TRIM37: variants seen among roughly 807,000 people sequenced by gnomAD.
The protein encoded by TRIM37 is E3 ubiquitin-protein ligase TRIM37.
A neutral mutation model predicts 129.8 loss-of-function variants in TRIM37; 80 were observed. That is an observed-to-expected ratio of 0.62 (90% CI 0.51 to 0.74). The LOEUF is 0.74. Among genes scored for constraint, TRIM37 ranks in the 30% least tolerant of loss-of-function variants. TRIM37 has a pLI of 0.00. For synonymous variants in TRIM37, 389 were observed against 387.1 expected, an observed-to-expected ratio of 1.00 and a Z score of -0.06; for missense variants, 1,054 against 1,176.5, an observed-to-expected ratio of 0.90 and a Z score of 1.52.
chr17:59,069,792 G>T (rs2042215256), intron 9 of TRIM37, among the ~76,000 whole-genome samples: 1 of 152,058 alleles, frequency 6.6e-6, no homozygotes, highest in Admixed American at 6.6e-5. Context: ...GATAATGGTG[G>T]GTCTAATACA....
At position 59,056,679 on chromosome 17, in the gene TRIM37, G is replaced by A. The variant is rs564840766; in HGVS notation, c.1199+196C>T. ...CGGGAGGCGGAGCTTGTAGTGAGCC[G>A]AGATCGCGCCAGGGCGACAGAGCGA... On this transcript the variant is annotated intron_variant, in intron 13 of 23. Transcript: ENST00000262294. Among the ~76,000 whole-genome samples the A allele has an allele frequency of 1.2e-3, 146 of 120,176 alleles. 1 individual carries two copies. Among genetic ancestry groups the A allele is most frequent in the South Asian group, 5.1e-3 (18 of 3,522 alleles). The allele number at this position is 120,176 out of a possible 152,430, so 78.8% of individuals were successfully genotyped here.
chr17:59,026,497 C>G (rs1272692381), intron 19 of TRIM37, among the ~76,000 whole-genome samples: 2 of 152,156 alleles, frequency 1.3e-5, no homozygotes, highest in Non-Finnish European at 2.9e-5. Context: ...GAGAAAACAT[C>G]TGCAAATCAT....
chr17:59,043,328 C>A (rs933939409), intron 16 of TRIM37, among the ~76,000 whole-genome samples: 15 of 152,134 alleles, frequency 9.9e-5, no homozygotes, highest in African/African-American at 3.6e-4. Flanking sequence ...CACTTAACGA[C>A]TCTGGAAATG....
chr17:59,086,395 C>T (rs148348156), intron 4 of TRIM37, among the ~76,000 whole-genome samples: 4,245 of 152,114 alleles, frequency 0.028, 162 homozygotes, highest in African/African-American at 0.086. Context: ...CATGCCACCA[C>T]GCCCAGCTAA....
intron 13 of TRIM37, among the ~76,000 whole-genome samples, chr17:59,055,899 C>A (rs2146322336): frequency 6.6e-6 from 1 of 152,084 alleles, no homozygotes; most frequent in Non-Finnish European, 1.5e-5. Flanking sequence ...GTATAACAAA[C>A]CTACACATGT....
chr17:59,000,636 CAG>C (rs1313422011), intron 23 of TRIM37, among the ~76,000 whole-genome samples: 2 of 152,008 alleles, frequency 1.3e-5, no homozygotes, highest in Non-Finnish European at 2.9e-5. Context: ...GCAAATAAGA[CAG>C]AAGAAAACAA....
At chr17:59,075,250 T>C (rs551992440) in intron 8 of TRIM37, among the ~76,000 whole-genome samples, 43 of 150,484 alleles carry the variant, frequency 2.9e-4, no homozygotes, top group Non-Finnish European at 5.2e-4. Context: ...ATAATCTCTG[T>C]CAAAAAAAAA....
intron 19 of TRIM37, among the ~76,000 whole-genome samples, chr17:59,024,142 A>C (rs1419479051): frequency 7.3e-6 from 1 of 137,928 alleles, no homozygotes; most frequent in Non-Finnish European, 1.5e-5. Context: ...TGAACCCAGG[A>C]GGGGGAGGTT....
intron 23 of TRIM37, 115 bp downstream of exon 23, chr17:59,001,480 CAGA>C (rs946207100): frequency 3.3e-6 from 4 of 1,222,466 alleles, no homozygotes; most frequent in African/African-American, 3.1e-5. Context: ...GAAGTAGAAG[CAGA>C]AGAAGCAAAA....
intron 7 of TRIM37, among the ~76,000 whole-genome samples, chr17:59,077,886 G>A (rs1195471718): frequency 6.6e-6 from 1 of 151,100 alleles, no homozygotes; most frequent in Non-Finnish European, 1.5e-5. Flanking sequence ...CACTTCGGGA[G>A]GCGGAGGTGG....
intron 2 of TRIM37, among the ~76,000 whole-genome samples, chr17:59,096,566 A>C (rs550176082): frequency 6.0e-5 from 9 of 151,248 alleles, no homozygotes; most frequent in Admixed American, 2.0e-4. Context: ...AAAAAAACAA[A>C]AAAAAAAAAA....
At chr17:59,095,639 G>C (rs538670106) in intron 2 of TRIM37, among the ~76,000 whole-genome samples, 1 of 152,292 alleles carries the variant, frequency 6.6e-6, no homozygotes, top group East Asian at 1.9e-4. Flanking sequence ...CCTTGTGAAA[G>C]CATACAAAAT....
rs757854605 is a variant in TRIM37 at position 59,056,952 on chromosome 17, G to C, written c.1122C>G (p.Gly374=). Residue 374 remains glycine, a synonymous_variant, in exon 13 of 24, where the codon GGC becomes GGG. Coordinates refer to ENST00000262294, the MANE Select transcript of TRIM37 (RefSeq NM_015294.6). ...ASDFEVGECW[G]YNRFFRLDLL... ...AGTCCAAACGGAAAAATCTATTATA[G>C]CCCCAGCATTCTCCAACTTCAAAGT... 1.1e-5 allele frequency: 18 copies of C among 1,613,484 alleles called. No homozygotes were observed. In the South Asian group the frequency reaches 1.8e-4, roughly 16 times the overall value.
chr17:58,998,900 A>G lies in TRIM37; in HGVS notation c.*477T>C. ...GTCTACAGGGCAGAATCTCTTCCAAAGCAATTTTCTGTTCACTAATCTACA... is the reference window on the plus strand; with the variant it reads ...GTCTACAGGGCAGAATCTCTTCCAAGGCAATTTTCTGTTCACTAATCTACA... On this transcript the variant is annotated 3_prime_UTR_variant, in exon 24 of 24. Coordinates refer to ENST00000262294, the MANE Select transcript of TRIM37 (RefSeq NM_015294.6). 1 of 1,016,506 alleles carries G rather than the reference A, an allele frequency of 9.8e-7. No individual in the cohort carries two copies. The highest frequency in any genetic ancestry group is 1.2e-6 in the Non-Finnish European group (1 of 848,142). 63.0% of individuals were successfully genotyped at this position (1,016,506 alleles called of 1,614,324 possible). A position where few individuals can be genotyped will look rare whatever the true frequency, so the allele number is the denominator to read the frequency against.
intron 2 of TRIM37, among the ~76,000 whole-genome samples, chr17:59,101,777 T>C (rs115302793): frequency 6.0e-4 from 88 of 146,398 alleles, no homozygotes; most frequent in African/African-American, 2.1e-3. Context: ...TATATACATA[T>C]ATATATACAA....
chr17:59,095,646 A>G (rs1353304320), intron 2 of TRIM37, among the ~76,000 whole-genome samples: 1 of 152,202 alleles, frequency 6.6e-6, no homozygotes, highest in Non-Finnish European at 1.5e-5. Context: ...AAAGCATACA[A>G]AATTTCTTAC....
At chr17:59,035,878 T>C (rs1203669656) in intron 17 of TRIM37, among the ~76,000 whole-genome samples, 2 of 152,202 alleles carry the variant, frequency 1.3e-5, no homozygotes, top group African/African-American at 4.8e-5. Context: ...CCAAGCCATA[T>C]GGATCTTGCT....
intron 8 of TRIM37, among the ~76,000 whole-genome samples, chr17:59,072,385 G>A (rs2146813674): frequency 6.6e-6 from 1 of 152,174 alleles, no homozygotes; most frequent in East Asian, 1.9e-4. Context: ...CCCACCTACA[G>A]GTGAGTTTAT....
intron 11 of TRIM37, among the ~76,000 whole-genome samples, chr17:59,061,936 A>G (rs1405005179): frequency 6.6e-6 from 1 of 152,098 alleles, no homozygotes; most frequent in African/African-American, 2.4e-5. Context: ...CACTCAGTAG[A>G]TATCAATGAA....
Sources: allele counts gnomAD v4.1 joint callset (sites outside exome capture counted in the v4.1 genomes callset), GRCh38; gene constraint gnomAD v4.1.1; transcripts MANE v1.5; gene names NCBI Gene and HGNC (gene_info 2026-07-23, HGNC 2026-07-21).